KDM5A: variants seen among roughly 807,000 people sequenced by gnomAD.
KDM5A encodes the protein lysine-specific demethylase 5A.
In KDM5A, 42 loss-of-function variants were observed where a neutral mutation model predicts 193.5. The ratio of observed to expected loss-of-function variants is 0.22; its 90% confidence interval spans 0.17 to 0.28. KDM5A has a LOEUF of 0.28. KDM5A is among the 10% of genes least tolerant of loss of function. The probability of loss-of-function intolerance (pLI) is 1.00; values close to 1 mark genes in which losing one functional copy is unlikely to be tolerated. For missense variants in KDM5A, 1,692 were observed against 2,055.1 expected (o/e 0.82, Z 3.42); for synonymous variants, 796 against 718.1 (o/e 1.11, Z -1.73).
chr12:309,972 A>C lies in KDM5A; in HGVS notation c.3217-8T>G. On this transcript the variant is annotated splice_region_variant and splice_polypyrimidine_tract_variant and intron_variant, in intron 21 of 27. Coordinates refer to ENST00000399788, the MANE Select transcript of KDM5A (RefSeq NM_001042603.3). ...GGTCCGGGGGCTCAGCACCTACAAA[A>C]ATAAAACCACCATTATAAACTCTGG... is the stretch of plus-strand genomic sequence containing the variant. 6.2e-7 allele frequency: 1 copy of C among 1,611,848 alleles called. No individual in the cohort carries two copies. The highest frequency in any genetic ancestry group is 1.3e-5 in the African/African-American group (1 of 74,718).
intron 3 of KDM5A, among the ~76,000 whole-genome samples, chr12:369,827 A>C (rs1251675601): frequency 6.6e-6 from 1 of 152,190 alleles, no homozygotes; most frequent in East Asian, 1.9e-4. Flanking sequence ...CTGACATAAT[A>C]ATCTGCTTTG....
Position 295,643 on chromosome 12 carries a change from G to A in KDM5A, c.4385C>T (p.Thr1462Ile). 1 of 1,614,144 alleles carries A rather than the reference G, an allele frequency of 6.2e-7. No homozygotes were observed. Among genetic ancestry groups the A allele is most frequent in the Non-Finnish European group, 8.5e-7 (1 of 1,179,996 alleles). Residue 1462 changes from threonine to isoleucine, a missense_variant, in exon 26 of 28, where the codon ACT becomes ATT. Physicochemically the swap from Thr to Ile is moderately conservative, Grantham distance 89. This residue lies in a region of KDM5A where 965 missense variants were observed against 1,061.0 expected (regional missense o/e 0.91). Coordinates refer to ENST00000399788, the MANE Select transcript of KDM5A (RefSeq NM_001042603.3). ...CTGCAAAATCCGCCATATGTGTTGA[G>A]TCTCGTCCAGAGATACTTCCAGGAG... ...GDLLEVSLDE[T>I]QHIWRILQAT...
chr12:366,544 C>T (rs79432200), intron 3 of KDM5A, among the ~76,000 whole-genome samples: 1,533 of 152,058 alleles, frequency 0.01, 17 homozygotes, highest in African/African-American at 0.034. Context: ...TTAACAAAAA[C>T]GTCAATCAAA....
At position 340,572 on chromosome 12, in the gene KDM5A, G is replaced by A. The variant is rs150535551; in HGVS notation, c.1309-6150C>T. Among the ~76,000 whole-genome samples, 411 of 151,892 alleles carry A rather than the reference G, an allele frequency of 2.7e-3. 2 individuals carry two copies. Among genetic ancestry groups the A allele is most frequent in the African/African-American group, 9.5e-3 (394 of 41,414 alleles). On this transcript the variant is annotated intron_variant, in intron 10 of 27. Transcript: ENST00000399788. ...TAGCTGGGCATGGTGGTGGGTGCCT[G>A]TAATCCCAGCTACTAGGGAGGCTGA...
At chr12:340,580 A>C (rs1224375618) in intron 10 of KDM5A, among the ~76,000 whole-genome samples, 1 of 151,096 alleles carries the variant, frequency 6.6e-6, no homozygotes, top group Non-Finnish European at 1.5e-5. Context: ...CTGTAATCCC[A>C]GCTACTAGGG....
chr12:288,773 T>C (rs1327220128), intron 27 of KDM5A, among the ~76,000 whole-genome samples: 2 of 152,240 alleles, frequency 1.3e-5, no homozygotes, highest in Non-Finnish European at 2.9e-5. Context: ...GTATATTTTC[T>C]TGGTGCTCTC....
At chr12:324,251 A>C (rs1322050048) in intron 14 of KDM5A, among the ~76,000 whole-genome samples, 1 of 152,056 alleles carries the variant, frequency 6.6e-6, no homozygotes, top group Admixed American at 6.6e-5. Context: ...AAGCTATGAT[A>C]GTACTGCTGC....
chr12:355,610 A>G (rs1011769153), intron 6 of KDM5A, among the ~76,000 whole-genome samples: 3 of 152,242 alleles, frequency 2.0e-5, no homozygotes, highest in African/African-American at 7.2e-5. Flanking sequence ...AGCCAATACT[A>G]TAATTACAAG....
At chr12:348,259 A>G (rs1944103882) in intron 10 of KDM5A, among the ~76,000 whole-genome samples, 1 of 151,842 alleles carries the variant, frequency 6.6e-6, no homozygotes, top group Non-Finnish European at 1.5e-5. Flanking sequence ...AAAAGTCAGG[A>G]AACAGGTGCT....
intron 16 of KDM5A, among the ~76,000 whole-genome samples, chr12:322,792 C>G (rs2137409974): frequency 6.6e-6 from 1 of 152,278 alleles, no homozygotes; most frequent in Non-Finnish European, 1.5e-5. Context: ...ATAAATTTCT[C>G]TTTCCAAAGA....
chr12:323,481 T>A (rs188513563), intron 15 of KDM5A, 119 bp downstream of exon 15: 7 of 1,087,508 alleles, frequency 6.4e-6, no homozygotes, highest in African/African-American at 1.6e-5. Context: ...AGCCTAGAAG[T>A]AGACAGTGAA....
chr12:327,769 T>C (rs1390021207), intron 14 of KDM5A, among the ~76,000 whole-genome samples: 1 of 151,870 alleles, frequency 6.6e-6, no homozygotes, highest in Non-Finnish European at 1.5e-5. Flanking sequence ...TCCCAACACT[T>C]TGGGAGGCCA....
At position 384,203 on chromosome 12, in the gene KDM5A, G is replaced by T. The variant is rs1197194935; in HGVS notation, c.244-50C>A. On this transcript the variant is annotated intron_variant, in intron 2 of 27. Transcript: ENST00000399788. Reference sequence around the variant, plus strand: ...ACTAAGTTATGATTGAAATGAATAAGAATAACAGAGCAGGGGTCCCCAAAC... The same window carrying T: ...ACTAAGTTATGATTGAAATGAATAATAATAACAGAGCAGGGGTCCCCAAAC... 5.0e-6 allele frequency: 7 copies of T among 1,413,804 alleles called. No homozygotes were observed. The African/African-American group carries it at 5.7e-5, about 11-fold the overall frequency. 87.6% of individuals were successfully genotyped at this position (1,413,804 alleles called of 1,614,324 possible). A position where few individuals can be genotyped will look rare whatever the true frequency, so the allele number is the denominator to read the frequency against.
chr12:312,258 A>G (rs148187222), intron 20 of KDM5A, among the ~76,000 whole-genome samples: 26 of 152,336 alleles, frequency 1.7e-4, no homozygotes, highest in African/African-American at 6.0e-4. Context: ...CTCTCCAACT[A>G]GAAAATATGT....
At chr12:388,047 CACA>C (rs1043055527) in intron 1 of KDM5A, among the ~76,000 whole-genome samples, 3 of 152,132 alleles carry the variant, frequency 2.0e-5, no homozygotes, top group East Asian at 1.9e-4. Flanking sequence ...CCAGAACTTC[CACA>C]ACAAGACTAG....
At chr12:366,217 T>C (rs1054214421) in intron 3 of KDM5A, 113 bp from the exon 4 acceptor site, 12 of 864,372 alleles carry the variant, frequency 1.4e-5, no homozygotes, top group East Asian at 4.8e-5. Flanking sequence ...TCAAATTTCC[T>C]TTCAATGAGT....
intron 10 of KDM5A, 63 bp downstream of exon 10, chr12:350,558 A>G (rs1944143531): frequency 1.3e-6 from 2 of 1,504,576 alleles, no homozygotes; most frequent in Admixed American, 1.7e-5. Flanking sequence ...ATCCCTTAAG[A>G]TAGTTTTCAA....
intron 10 of KDM5A, among the ~76,000 whole-genome samples, chr12:342,432 C>G (rs1944018305): frequency 1.3e-5 from 2 of 151,980 alleles, no homozygotes; most frequent in Admixed American, 6.6e-5. Context: ...TTGAAGGAAA[C>G]TTATTTCTGG....
intron 18 of KDM5A, among the ~76,000 whole-genome samples, chr12:320,695 A>G (rs1943706832): frequency 6.6e-6 from 1 of 152,210 alleles, no homozygotes; most frequent in African/African-American, 2.4e-5. Context: ...ATACATGCAG[A>G]TTATTTTAAC....
Sources: allele counts gnomAD v4.1 joint callset (sites outside exome capture counted in the v4.1 genomes callset), GRCh38; gene constraint gnomAD v4.1.1; regional missense constraint gnomAD v4.1.1; transcripts MANE v1.5; gene names NCBI Gene and HGNC (gene_info 2026-07-23, HGNC 2026-07-21).